TACC1: variants seen among roughly 807,000 people sequenced by gnomAD.
The protein encoded by TACC1 is transforming acidic coiled-coil-containing protein 1.
A neutral mutation model predicts 84.4 loss-of-function variants in TACC1; 48 were observed. The observed-to-expected ratio is 0.57, with a 90% CI of 0.45 to 0.72. TACC1 has a LOEUF of 0.72. Among genes scored for constraint, TACC1 ranks in the 30% least tolerant of loss-of-function variants. The pLI is 0.00. For synonymous variants in TACC1, 372 were observed against 376.3 expected (o/e 0.99, Z 0.13); for missense variants, 920 against 973.0 (o/e 0.95, Z 0.72).
chr8:38,763,620 A>G (rs945341985), intron 3 of TACC1, among the ~76,000 whole-genome samples: 2 of 152,226 alleles, frequency 1.3e-5, no homozygotes, highest in African/African-American at 2.4e-5. Context: ...AATTGTTAAC[A>G]TGCTGGGACA....
At chr8:38,760,048 T>A (rs987567516) in intron 3 of TACC1, among the ~76,000 whole-genome samples, 1 of 151,478 alleles carries the variant, frequency 6.6e-6, no homozygotes, top group Admixed American at 6.6e-5. Context: ...AAAAAAAAAA[T>A]ACATGAAAGT....
rs1264736747 is a variant in TACC1 at position 38,827,340 on chromosome 8, C to T, written c.1625C>T (p.Ser542Phe). The change falls in exon 5 of 13, where the codon TCT becomes TTT. Residue 542 changes from serine to phenylalanine, a missense_variant. Coordinates refer to ENST00000317827, the MANE Select transcript of TACC1 (RefSeq NM_006283.3). ...EYFECSNVPV[S>F]TINHAFSSSE... Reference sequence around the variant, plus strand: ...TTTGAATGTTCCAATGTTCCTGTGTCTACCATAAATCATGCGTTTTCATCC... The same window carrying T: ...TTTGAATGTTCCAATGTTCCTGTGTTTACCATAAATCATGCGTTTTCATCC... 1.1e-5 allele frequency: 17 copies of T among 1,614,104 alleles called. No homozygotes were observed. Among genetic ancestry groups the T allele is most frequent in the Non-Finnish European group, 1.4e-5 (16 of 1,180,050 alleles).
intron 2 of TACC1, among the ~76,000 whole-genome samples, chr8:38,798,181 T>G (rs1324612058): frequency 6.6e-6 from 1 of 151,472 alleles, no homozygotes; most frequent in African/African-American, 2.4e-5. Flanking sequence ...TGGAGTGTGG[T>G]GGTACAATCA....
intron 9 of TACC1, among the ~76,000 whole-genome samples, chr8:38,841,609 G>A (rs1445008824): frequency 6.6e-6 from 1 of 152,170 alleles, no homozygotes; most frequent in East Asian, 1.9e-4. Flanking sequence ...GTATGGACTT[G>A]GTGAATAATG....
At chr8:38,839,712 A>AC (rs989031070) in intron 8 of TACC1, 6 of 180,492 alleles carry the variant, frequency 3.3e-5, no homozygotes, top group African/African-American at 1.4e-4. Context: ...AGAAAGGTTA[A>AC]CCCAAGAGGT....
chr8:38,817,214 T>C lies in TACC1; in HGVS notation c.278-2308T>C, dbSNP rs142890669. Among the ~76,000 whole-genome samples the C allele has an allele frequency of 8.2e-4, 125 of 152,360 alleles. 2 individuals are homozygous for C. Among genetic ancestry groups the C allele is most frequent in the African/African-American group, 2.9e-3 (120 of 41,584 alleles). On this transcript the variant is annotated intron_variant, in intron 2 of 12. Coordinates refer to ENST00000317827, the MANE Select transcript of TACC1 (RefSeq NM_006283.3). ...CATTGTTGTACAACTGGCCTGTCTT[T>C]TAACTGAGCCAGTTGTACATGGAAA... is the stretch of plus-strand genomic sequence containing the variant.
At chr8:38,783,078 C>CTATATATATA (rs1816370682), upstream of TACC1, among the ~76,000 whole-genome samples, 1 of 94,730 alleles carries the variant, frequency 1.1e-5, no homozygotes, top group African/African-American at 5.4e-5. Flanking sequence ...ATCTATCTAT[C>CTATATATATA]TATCTATCTA....
In TACC1 at chr8:38,849,540, C is replaced by G. The variant is rs926535683; in HGVS notation, c.*1517C>G. The G allele has an allele frequency of 4.6e-5, 7 of 152,298 alleles. No homozygotes were observed. Among genetic ancestry groups the G allele is most frequent in the African/African-American group, 1.7e-4 (7 of 41,550 alleles). 9.4% of individuals were successfully genotyped at this position (152,298 alleles called of 1,614,324 possible). A position where few individuals can be genotyped will look rare whatever the true frequency, so the allele number is the denominator to read the frequency against. ...TTCTCTTGTAAAACTGTTGCATGAT[C>G]CAACTTCAGCAATGAATTGTGCCTA... On this transcript the variant is annotated 3_prime_UTR_variant, in exon 13 of 13. Coordinates refer to ENST00000317827, the MANE Select transcript of TACC1 (RefSeq NM_006283.3).
chr8:38,732,908 A>G (rs528444556), intron 1 of TACC1, among the ~76,000 whole-genome samples: 1 of 152,344 alleles, frequency 6.6e-6, no homozygotes, highest in East Asian at 1.9e-4. Flanking sequence ...AGTACTGTAC[A>G]TAGAAGCTGA....
intron 2 of TACC1, among the ~76,000 whole-genome samples, chr8:38,808,810 C>T (rs1466368351): frequency 6.6e-6 from 1 of 152,124 alleles, no homozygotes; most frequent in Admixed American, 6.6e-5. Flanking sequence ...CCAAACATAC[C>T]TTTTCAAGTT....
chr8:38,844,991 G>A (rs1356615411), intron 11 of TACC1: 1 of 152,034 alleles, frequency 6.6e-6, no homozygotes, highest in Non-Finnish European at 1.5e-5. Flanking sequence ...GTGGCACAGT[G>A]TCAGCTCACT....
intron 10 of TACC1, 33 bp downstream of exon 10, chr8:38,842,480 A>G: frequency 6.3e-7 from 1 of 1,578,388 alleles, no homozygotes. Flanking sequence ...CTCCTGGTGT[A>G]TTTCCAGTAG....
chr8:38,843,356 AC>A lies in TACC1; in HGVS notation c.2191del (p.Gln731ArgfsTer3). On this transcript the variant is annotated frameshift_variant, in exon 11 of 13. Coordinates refer to ENST00000317827, the MANE Select transcript of TACC1 (RefSeq NM_006283.3). LOFTEE classifies it high-confidence loss of function. The stretch of plus-strand genomic sequence containing the variant: ...AGAGTTAAACAAGAGGAGCAGCGAT[AC>A]CAGGCCCTGAAAATCCACGCAGAAG... ...LARVKQEEQR[Y>X]QALKIHAEEK... The A allele has an allele frequency of 6.2e-7, 1 of 1,609,800 alleles. No homozygotes were observed. The highest frequency in any genetic ancestry group is 1.7e-5 in the Admixed American group (1 of 59,366).
At chr8:38,821,033 T>C (rs1261725878) in intron 3 of TACC1, among the ~76,000 whole-genome samples, 1 of 152,058 alleles carries the variant, frequency 6.6e-6, no homozygotes, top group Non-Finnish European at 1.5e-5. Context: ...TGGTGAAACC[T>C]GTCTCTACTA....
At chr8:38,828,839 C>T (rs1032976583) in intron 5 of TACC1, among the ~76,000 whole-genome samples, 4 of 152,174 alleles carry the variant, frequency 2.6e-5, no homozygotes, top group African/African-American at 9.7e-5. Context: ...TGACTCTAAG[C>T]AGTCTGGTTC....
intron 3 of TACC1, among the ~76,000 whole-genome samples, chr8:38,746,015 C>T (rs535135670): frequency 6.6e-6 from 1 of 152,238 alleles, no homozygotes; most frequent in African/African-American, 2.4e-5. Flanking sequence ...TGGGGTCTTG[C>T]TATGTTGCCT....
intron 12 of TACC1, among the ~76,000 whole-genome samples, chr8:38,847,423 CCT>C (rs1832515181): frequency 6.6e-6 from 1 of 152,172 alleles, no homozygotes; most frequent in African/African-American, 2.4e-5. Flanking sequence ...AGCAACAATC[CCT>C]GTTTCTCACT....
intron 3 of TACC1, among the ~76,000 whole-genome samples, chr8:38,821,713 G>T (rs191784727): frequency 6.6e-6 from 1 of 152,218 alleles, no homozygotes; most frequent in Admixed American, 6.5e-5. Flanking sequence ...TTTGCTACAG[G>T]ATTACTTTAT....
At chr8:38,778,186 T>A (rs1230684016) in intron 3 of TACC1, among the ~76,000 whole-genome samples, 2 of 152,138 alleles carry the variant, frequency 1.3e-5, no homozygotes, top group Non-Finnish European at 2.9e-5. Context: ...GCTCAAGCGA[T>A]CCTCCTGCCT....
Sources: gnomAD v4.1 joint callset for allele counts (sites outside exome capture counted in the v4.1 genomes callset) on GRCh38, gnomAD v4.1.1 for gene constraint, MANE v1.5 for transcripts, NCBI Gene and HGNC (gene_info 2026-07-23, HGNC 2026-07-21) for gene names.